Variants in SGSM1 observed in about 807,000 individuals in gnomAD.
The protein encoded by SGSM1 is RUN and TBC1 domain containing 2.
In SGSM1, 73 loss-of-function variants were observed where a neutral mutation model predicts 133.8. The ratio of observed to expected loss-of-function variants is 0.55; its 90% CI spans 0.45 to 0.66. SGSM1 has a LOEUF of 0.66. Among genes scored for constraint, SGSM1 ranks in the 30% least tolerant of loss-of-function variants. The pLI is 0.00. For missense variants in SGSM1, 1,213 were observed against 1,448.1 expected, an observed-to-expected ratio of 0.84 and a Z score of 2.64; for synonymous variants, 563 against 573.0, an observed-to-expected ratio of 0.98 and a Z score of 0.25.
At chr22:24,881,680 A>G (rs1050368371) in intron 14 of SGSM1, among the ~76,000 whole-genome samples, 4 of 152,174 alleles carry the variant, frequency 2.6e-5, no homozygotes, top group African/African-American at 9.7e-5. Flanking sequence ...AGTGTTAGCT[A>G]TTATATCATC....
intron 4 of SGSM1, among the ~76,000 whole-genome samples, 200 bp from the exon 5 acceptor site, chr22:24,850,080 G>GT (rs1930368333): frequency 6.6e-6 from 1 of 152,106 alleles, no homozygotes; most frequent in Non-Finnish European, 1.5e-5. Flanking sequence ...AAAGTGTCTT[G>GT]TTTAACCACA....
At chr22:24,847,929 CTT>C in intron 4 of SGSM1, 133 bp downstream of exon 4, 8 of 1,238,430 alleles carry the variant, frequency 6.5e-6, no homozygotes, top group Non-Finnish European at 8.7e-6. Context: ...CCACCAGACT[CTT>C]TCCCACCCCA....
intron 2 of SGSM1, among the ~76,000 whole-genome samples, chr22:24,826,657 G>A (rs1181440741): frequency 6.6e-6 from 1 of 152,208 alleles, no homozygotes; most frequent in Non-Finnish European, 1.5e-5. Context: ...CTAAGGAAGA[G>A]TAAGCAGCAG....
In SGSM1 at chr22:24,868,831, T is replaced by C. The variant is rs539278453; in HGVS notation, c.1267T>C (p.Tyr423His). Residue 423 changes from tyrosine (Y) to histidine (H), a missense_variant, in exon 12 of 25, where the codon TAC (tyrosine) becomes CAC (histidine). By Grantham distance (83) the Tyr-to-His change is moderately conservative (BLOSUM62 2). Coordinates refer to ENST00000400358, the MANE Select transcript of SGSM1 (RefSeq NM_001098497.3). ...EATDYVFRII[Y>H]PGMQSEFVPQ... ...CACGGATTATGTGTTCAGGATCATC[T>C]ACCCTGGCATGCAGTCGGAATTCGG... is the stretch of plus-strand genomic sequence containing the variant. 24 of 1,613,934 alleles carry C rather than the reference T, an allele frequency of 1.5e-5. No individual in the cohort carries two copies. Among genetic ancestry groups the C allele is most frequent in the Non-Finnish European group, 1.9e-5 (23 of 1,179,882 alleles).
intron 2 of SGSM1, among the ~76,000 whole-genome samples, chr22:24,808,393 C>T (rs550834692): frequency 1.9e-3 from 293 of 152,302 alleles, no homozygotes; most frequent in African/African-American, 6.6e-3. Context: ...GAATTACAGG[C>T]GTGAGCCACT....
At chr22:24,809,677 G>A (rs1927618820) in intron 2 of SGSM1, among the ~76,000 whole-genome samples, 1 of 152,200 alleles carries the variant, frequency 6.6e-6, no homozygotes, top group South Asian at 2.1e-4. Context: ...CCCTGGGCTA[G>A]GTTCTGTGGA....
At chr22:24,855,886 TATCCATCCATCCACCCATTGTCACAACC>T in intron 8 of SGSM1, 1 of 759,276 alleles carries the variant, frequency 1.3e-6, no homozygotes, top group South Asian at 1.5e-5. Context: ...CCCATTGTTA[TATCCATCCATCCACCCATTGTCACAACC>T]ATCCATCCAT....
intron 18 of SGSM1, among the ~76,000 whole-genome samples, chr22:24,896,604 G>GT (rs146271547): frequency 0.078 from 11,650 of 149,004 alleles, 1,240 homozygotes; most frequent in African/African-American, 0.24. Flanking sequence ...AAGTAATAGG[G>GT]TTTTTTTATT....
rs188109417 is a variant in SGSM1 at position 24,894,572 on chromosome 22, C to A, written c.1954-651C>A. 3.2e-4 allele frequency among the ~76,000 whole-genome samples: 48 copies of A among 152,304 alleles called. No homozygotes were observed. In the Middle Eastern group the frequency reaches 0.01, roughly 32 times the overall value. On this transcript the variant is annotated intron_variant, in intron 17 of 24. Coordinates refer to ENST00000400358, the MANE Select transcript of SGSM1 (RefSeq NM_001098497.3). Reference sequence around the variant, plus strand: ...CTGGGCTAGGCGAGGCTTATTCTGGCACCAGCTGTCCGTAACTGGTCAACT... The same window carrying A: ...CTGGGCTAGGCGAGGCTTATTCTGGAACCAGCTGTCCGTAACTGGTCAACT...
Position 24,895,242 on chromosome 22 carries a change from C to G in SGSM1, c.1973C>G (p.Ser658Trp). ...TCTCAGTCCTCCCAGAGCTGCAGTT[C>G]GGGCCGCCAGAACATCCGCCTGCAC... The part of the protein sequence containing the change: ...ISNESSQSCS[S>W]GRQNIRLHSD... The change falls in exon 18 of 25, where the codon TCG becomes TGG. Residue 658 changes from serine to tryptophan, a missense_variant. Transcript: ENST00000400358. The G allele has an allele frequency of 1.2e-6, 2 of 1,611,416 alleles. No homozygotes were observed. Among genetic ancestry groups the G allele is most frequent in the Non-Finnish European group, 1.7e-6 (2 of 1,179,020 alleles).
chr22:24,890,173 G>T (rs956550037), intron 16 of SGSM1, among the ~76,000 whole-genome samples: 1 of 151,384 alleles, frequency 6.6e-6, no homozygotes, highest in African/African-American at 2.4e-5. Flanking sequence ...AGATAGGATG[G>T]TCTCGATCTC....
At chr22:24,868,307 C>T (rs1931567961) in intron 10 of SGSM1, 69 bp from the exon 11 acceptor site, 1 of 1,543,982 alleles carries the variant, frequency 6.5e-7, no homozygotes, top group African/African-American at 1.4e-5. Context: ...GATGTGCTTG[C>T]AGGAAGGGGC....
rs1469847581 is a variant in SGSM1, at chr22:24,898,022, G to A, written c.2073G>A (p.Leu691=). 3 of 1,612,808 alleles carry A rather than the reference G, an allele frequency of 1.9e-6. No individual in the cohort carries two copies. Among genetic ancestry groups the A allele is most frequent in the East Asian group, 2.2e-5 (1 of 44,836 alleles). ...AGCAGGTGGAGGCTGAAGGCAGATT[G>A]GAGGAGAAACAGCCCAAGATCCCCA... is the stretch of plus-strand genomic sequence containing the variant. ...EVEQVEAEGR[L]EEKQPKIPNG... is the part of the protein sequence containing the mutation. The change falls in exon 19 of 25, where the codon TTG becomes TTA. Residue 691 remains leucine (L), a synonymous_variant. Transcript: ENST00000400358.
Position 24,915,584 on chromosome 22 carries a change from T to C in SGSM1, c.2929-2074T>C, listed in dbSNP as rs570854114. ...TTTGTGGGTACATAATAGGTGTATA[T>C]ATATGTGGAGTACATGAGTTGTTTT... On this transcript the variant is annotated intron_variant, in intron 22 of 24. Coordinates refer to ENST00000400358, the MANE Select transcript of SGSM1 (RefSeq NM_001098497.3). Among the ~76,000 whole-genome samples the C allele has an allele frequency of 4.6e-5, 7 of 152,326 alleles. No homozygotes were observed. In the South Asian group the frequency reaches 1.5e-3, roughly 32 times the overall value.
chr22:24,816,408 T>C (rs1332593509), intron 2 of SGSM1, among the ~76,000 whole-genome samples: 1 of 129,176 alleles, frequency 7.7e-6, no homozygotes, highest in African/African-American at 2.6e-5. Context: ...TGATTTCTTT[T>C]TTTTCTTTCT....
Position 24,893,530 on chromosome 22 carries a change from G to C in SGSM1, c.1870G>C (p.Ala624Pro). ...RQRERESHAA[A>P]LAKCSSGASL... Reference sequence around the variant, plus strand: ...GAGGGAGCGGGAGTCCCATGCGGCCGCCCTGGCCAAATGCTCATCCGGGGC... The same window carrying C: ...GAGGGAGCGGGAGTCCCATGCGGCCCCCCTGGCCAAATGCTCATCCGGGGC... Residue 624 changes from alanine to proline, a missense_variant, in exon 17 of 25, where the codon GCC (alanine) becomes CCC (proline). Ala to Pro is a conservative substitution (Grantham distance 27). Transcript: ENST00000400358. 6.2e-7 allele frequency: 1 copy of C among 1,610,458 alleles called. No individual in the cohort carries two copies.
chr22:24,830,070 T>A (rs558241833), intron 2 of SGSM1, among the ~76,000 whole-genome samples: 8 of 152,330 alleles, frequency 5.3e-5, no homozygotes, highest in African/African-American at 1.9e-4. Context: ...TGTGGCCTCC[T>A]CTTTCTTCCT....
intron 2 of SGSM1, among the ~76,000 whole-genome samples, chr22:24,811,073 G>A (rs1464052079): frequency 6.6e-6 from 1 of 152,142 alleles, no homozygotes; most frequent in African/African-American, 2.4e-5. Context: ...ATGAGTATGT[G>A]TTGCTAAATC....
rs1404118893 is a variant in SGSM1, at chr22:24,850,356, A to G, written c.379A>G (p.Lys127Glu). The change falls in exon 5 of 25, where the codon AAG (lysine) becomes GAG (glutamate). Residue 127 changes from lysine (K) to glutamate (E), a missense_variant. By Grantham distance (56) the Lys-to-Glu change is moderately conservative. Transcript: ENST00000400358. Reference protein sequence around the residue: ...KLPNLSPLAIKHLWIRTALFE... With the variant: ...KLPNLSPLAIEHLWIRTALFE... The stretch of plus-strand genomic sequence containing the variant: ...GCCCAACTTGTCCCCACTTGCCATC[A>G]AGCATCTGTGGATTCGCACAGCCTT... 1 of 1,613,826 alleles carries G rather than the reference A, an allele frequency of 6.2e-7. No homozygotes were observed.
Sources: allele counts gnomAD v4.1 joint callset (sites outside exome capture counted in the v4.1 genomes callset), GRCh38; gene constraint gnomAD v4.1.1; transcripts MANE v1.5; gene names NCBI Gene and HGNC (gene_info 2026-07-23, HGNC 2026-07-21).